CHD7: variants seen among roughly 807,000 people sequenced by gnomAD.
The protein encoded by CHD7 is chromodomain helicase DNA binding protein 7.
In CHD7, 24 loss-of-function variants were observed where a neutral mutation model predicts 307.3. That is an observed-to-expected ratio of 0.08 (90% CI 0.06 to 0.11). The LOEUF (loss-of-function observed/expected upper bound fraction) is 0.11, where lower values mean the gene tolerates loss of function less well. Among genes scored for constraint, CHD7 ranks in the 10% least tolerant of loss-of-function variants. CHD7 has a pLI of 1.00. For synonymous variants in CHD7, 1,363 were observed against 1,349.9 expected (o/e 1.01, Z -0.21); for missense variants, 3,106 against 3,727.1 (o/e 0.83, Z 4.34).
chr8:60,856,652 T>G lies in CHD7; in HGVS notation c.7372T>G (p.Phe2458Val), dbSNP rs1805730333. Residue 2458 changes from phenylalanine to valine, a missense_variant, in exon 34 of 38, where the codon TTT (phenylalanine) becomes GTT (valine). Coordinates refer to ENST00000423902, the MANE Select transcript of CHD7 (RefSeq NM_017780.4). ...SREATSSTSN[F>V]SSLSSKFILP... ...AGAGGCAACAAGCTCTACCTCAAAT[T>G]TTTCATCTCTTTCTTCAAAGTTTAT... 1 of 1,613,942 alleles carries G rather than the reference T, an allele frequency of 6.2e-7. No individual in the cohort carries two copies. The highest frequency in any genetic ancestry group is 8.5e-7 in the Non-Finnish European group (1 of 1,179,876).
At chr8:60,850,785 C>G (rs767322827) in intron 26 of CHD7, 163 bp downstream of exon 26, 1 of 772,050 alleles carries the variant, frequency 1.3e-6, no homozygotes, top group Admixed American at 2.8e-5. Context: ...ACTGTTTAAA[C>G]AATATACATT....
At chr8:60,810,930 T>G (rs943470883) in intron 7 of CHD7, among the ~76,000 whole-genome samples, 3 of 152,216 alleles carry the variant, frequency 2.0e-5, no homozygotes, top group Admixed American at 6.5e-5. Context: ...CTGCCTCTTG[T>G]CAGATCAGCG....
intron 1 of CHD7, among the ~76,000 whole-genome samples, chr8:60,728,537 C>G (rs1808282079): frequency 1.3e-5 from 2 of 151,932 alleles, no homozygotes; most frequent in South Asian, 4.2e-4. Flanking sequence ...GTCTTTCTTT[C>G]TTTTTTTTGA....
In CHD7 at chr8:60,844,899, G is replaced by A. The variant is rs920422227; in HGVS notation, c.4886G>A (p.Arg1629His). Residue 1629 changes from arginine to histidine, a missense_variant, in exon 22 of 38, where the codon CGC becomes CAC. This residue lies in a region of CHD7 where 122 missense variants were observed against 124.5 expected (regional missense o/e 0.98). Transcript: ENST00000423902. Reference protein sequence around the residue: ...GRWTDILSHGRYKRQLTEQDV... With the variant: ...GRWTDILSHGHYKRQLTEQDV... ...TGGACAGACATTCTTTCCCACGGACGCTATAAACGCCAACTCACTGAGCAA... is the reference window on the plus strand; with the variant it reads ...TGGACAGACATTCTTTCCCACGGACACTATAAACGCCAACTCACTGAGCAA... 1.9e-6 allele frequency: 3 copies of A among 1,608,482 alleles called. No individual in the cohort carries two copies. Among genetic ancestry groups the A allele is most frequent in the Non-Finnish European group, 2.6e-6 (3 of 1,176,038 alleles).
At chr8:60,727,493 G>T (rs6988200) in intron 1 of CHD7, among the ~76,000 whole-genome samples, 11,950 of 152,140 alleles carry the variant, frequency 0.079, 1,086 homozygotes, top group African/African-American at 0.22. Flanking sequence ...TATCCAACTT[G>T]TTGAATCTGA....
intron 37 of CHD7, 94 bp from the exon 38 acceptor site, chr8:60,864,922 A>G (rs778398593): frequency 9.6e-6 from 12 of 1,245,084 alleles, no homozygotes; most frequent in Non-Finnish European, 1.3e-5. Flanking sequence ...AGGTATTTCC[A>G]TTTGGAATGG....
chr8:60,789,132 G>GTATT (rs1811648186), intron 3 of CHD7, among the ~76,000 whole-genome samples: 1 of 152,228 alleles, frequency 6.6e-6, no homozygotes, highest in African/African-American at 2.4e-5. Context: ...TCCTCTGCCA[G>GTATT]TATTGAGCCC....
At chr8:60,735,686 A>G (rs939925456) in intron 1 of CHD7, among the ~76,000 whole-genome samples, 4 of 152,248 alleles carry the variant, frequency 2.6e-5, no homozygotes, top group Non-Finnish European at 4.4e-5. Context: ...ATGGACCTTT[A>G]AAAGAATACT....
At chr8:60,844,808 A>T (rs1393610565) in intron 21 of CHD7, 56 bp from the exon 22 acceptor site, 1 of 1,432,612 alleles carries the variant, frequency 7.0e-7, no homozygotes, top group Non-Finnish European at 9.4e-7. Flanking sequence ...GACTTAAAGT[A>T]AAGCCATAAA....
At chr8:60,766,509 CAGG>C (rs1810476532) in intron 2 of CHD7, among the ~76,000 whole-genome samples, 1 of 152,162 alleles carries the variant, frequency 6.6e-6, no homozygotes, top group Admixed American at 6.5e-5. Context: ...GGGCTAGCAA[CAGG>C]AGGTCAGGTA....
intron 1 of CHD7, among the ~76,000 whole-genome samples, chr8:60,736,475 G>A (rs1808718335): frequency 1.3e-5 from 2 of 152,146 alleles, no homozygotes; most frequent in Non-Finnish European, 2.9e-5. Context: ...GTGTCTCCAT[G>A]GGTTATGATG....
chr8:60,851,354 A>T (rs1159848419), intron 28 of CHD7, 35 bp downstream of exon 28: 1 of 1,481,024 alleles, frequency 6.8e-7, no homozygotes, highest in African/African-American at 1.4e-5. Flanking sequence ...AGCCGAGCAG[A>T]CGTGCACTGA....
intron 2 of CHD7, among the ~76,000 whole-genome samples, chr8:60,763,553 T>C (rs182290271): frequency 6.6e-6 from 1 of 152,176 alleles, no homozygotes. Flanking sequence ...TGGAAGAATT[T>C]AGGAAAACAA....
intron 2 of CHD7, among the ~76,000 whole-genome samples, chr8:60,775,422 C>T (rs917413537): frequency 9.9e-5 from 5 of 50,492 alleles, no homozygotes; most frequent in African/African-American, 1.6e-4. Context: ...TGAGCTGTTT[C>T]AGTGCATTTT....
intron 12 of CHD7, among the ~76,000 whole-genome samples, 162 bp from the exon 13 acceptor site, chr8:60,823,678 A>G (rs1804144868): frequency 6.6e-6 from 1 of 152,206 alleles, no homozygotes; most frequent in African/African-American, 2.4e-5. Flanking sequence ...GTTTTACCAT[A>G]TCGTTTAAAA....
In CHD7 at chr8:60,852,042, G is replaced by A. The variant is rs766110936; in HGVS notation, c.5689G>A (p.Glu1897Lys). The change falls in exon 29 of 38, where the codon GAG (glutamate) becomes AAG (lysine). Residue 1897 changes from glutamate to lysine, a missense_variant. Glu to Lys is a moderately conservative substitution (Grantham distance 56). Coordinates refer to ENST00000423902, the MANE Select transcript of CHD7 (RefSeq NM_017780.4). ...AGGCAAGCACAGTGAGAGTAATGCTGAGTTAGGCCAACTTTACTGGCCTAA... is the reference window on the plus strand; with the variant it reads ...AGGCAAGCACAGTGAGAGTAATGCTAAGTTAGGCCAACTTTACTGGCCTAA... ...ATGKHSESNAELGQLYWPNTS... is the reference protein window; with the variant it reads ...ATGKHSESNAKLGQLYWPNTS... The A allele has an allele frequency of 1.1e-4, 185 of 1,613,228 alleles. 6 individuals carry two copies. The South Asian group carries it at 1.6e-3, about 14-fold the overall frequency.
chr8:60,823,130 T>C lies in CHD7; in HGVS notation c.3201+384T>C, dbSNP rs574520373. ...TGCTATTGCTAGAAGTGAAAAATAG[T>C]AAGCATGTAAAAAGTCCTTGAAATA... On this transcript the variant is annotated intron_variant, in intron 12 of 37. Transcript: ENST00000423902. 6.6e-5 allele frequency among the ~76,000 whole-genome samples: 10 copies of C among 152,328 alleles called. No homozygotes were observed. The South Asian group carries it at 2.1e-3, about 32-fold the overall frequency.
At chr8:60,809,933 A>G (rs1812719532) in intron 7 of CHD7, among the ~76,000 whole-genome samples, 1 of 152,166 alleles carries the variant, frequency 6.6e-6, no homozygotes. Context: ...TAATTCCATC[A>G]TTTCTTCTAC....
Position 60,855,453 on chromosome 8 carries a change from A to G in CHD7, c.6937-522A>G, listed in dbSNP as rs142337425. Reference sequence around the variant, plus strand: ...GATAATAGGTAGGGAATGCAAATTGACATTCATTAGGTGTTCCTAGGTTGG... The same window carrying G: ...GATAATAGGTAGGGAATGCAAATTGGCATTCATTAGGTGTTCCTAGGTTGG... On this transcript the variant is annotated intron_variant, in intron 32 of 37. Transcript: ENST00000423902. 4.4e-3 allele frequency among the ~76,000 whole-genome samples: 677 copies of G among 152,320 alleles called. 6 individuals are homozygous for G. The highest frequency in any genetic ancestry group is 0.016 in the African/African-American group (655 of 41,560).
Sources: allele counts gnomAD v4.1 joint callset (sites outside exome capture counted in the v4.1 genomes callset), GRCh38; gene constraint gnomAD v4.1.1; regional missense constraint gnomAD v4.1.1; transcripts MANE v1.5; gene names NCBI Gene and HGNC (gene_info 2026-07-23, HGNC 2026-07-21).